Variants in AUH observed in about 807,000 individuals in gnomAD.
AUH encodes the protein AU RNA binding methylglutaconyl-CoA hydratase.
In AUH, 29 loss-of-function variants were observed where a neutral mutation model predicts 42.3. That is an observed-to-expected ratio of 0.69 (90% confidence interval 0.51 to 0.93). AUH has a LOEUF of 0.93. Among genes scored for constraint, AUH ranks in the 40% least tolerant of loss-of-function variants. The probability of loss-of-function intolerance (pLI) is 0.00; values close to 1 mark genes in which losing one functional copy is unlikely to be tolerated. For synonymous variants in AUH, 174 were observed against 166.4 expected (o/e 1.05, Z -0.35); for missense variants, 452 against 438.1 (o/e 1.03, Z -0.28).
At chr9:91,224,479 CTCT>C (rs950087046) in intron 6 of AUH, among the ~76,000 whole-genome samples, 8 of 151,982 alleles carry the variant, frequency 5.3e-5, no homozygotes, top group African/African-American at 1.9e-4. Flanking sequence ...CCTCTTTTTT[CTCT>C]TGTTGCCTGT....
At chr9:91,333,554 T>C (rs1259417267) in intron 3 of AUH, among the ~76,000 whole-genome samples, 1 of 152,232 alleles carries the variant, frequency 6.6e-6, no homozygotes, top group Non-Finnish European at 1.5e-5. Flanking sequence ...ATGAGATAGA[T>C]GGGACTACCT....
chr9:91,230,529 C>T (rs987860072), intron 6 of AUH, among the ~76,000 whole-genome samples: 46 of 152,280 alleles, frequency 3.0e-4, no homozygotes, highest in African/African-American at 1.1e-3. Context: ...GTAATCTGAT[C>T]GTCTGAAGCC....
rs190077953 is a variant in AUH, at chr9:91,253,896, C to T, written c.656-32904G>A. 2.5e-4 allele frequency among the ~76,000 whole-genome samples: 38 copies of T among 152,250 alleles called. No homozygotes were observed. In the East Asian group the frequency reaches 6.7e-3, roughly 27 times the overall value. On this transcript the variant is annotated intron_variant, in intron 6 of 9. Transcript: ENST00000375731. ...TATTTTAATGGTATGAAATAAAGCACAATTTAAGGAGACAAGCTATAAATA... is the reference window on the plus strand; with the variant it reads ...TATTTTAATGGTATGAAATAAAGCATAATTTAAGGAGACAAGCTATAAATA...
chr9:91,217,260 A>G lies in AUH; in HGVS notation c.894+17T>C. Reference sequence around the variant, plus strand: ...ACTCTCCATTCCCAAAACAAACTCAAGCATTAAGGAACCTACCTCCATCCC... The same window carrying G: ...ACTCTCCATTCCCAAAACAAACTCAGGCATTAAGGAACCTACCTCCATCCC... On this transcript the variant is annotated intron_variant, in intron 8 of 9. Coordinates refer to ENST00000375731, the MANE Select transcript of AUH (RefSeq NM_001698.3). 2 of 1,611,214 alleles carry G rather than the reference A, an allele frequency of 1.2e-6. No homozygotes were observed. The highest frequency in any genetic ancestry group is 1.7e-6 in the Non-Finnish European group (2 of 1,177,488).
intron 3 of AUH, among the ~76,000 whole-genome samples, chr9:91,326,148 C>T (rs999230378): frequency 1.3e-5 from 2 of 152,052 alleles, no homozygotes; most frequent in African/African-American, 2.4e-5. Context: ...AACAAACAGA[C>T]GAACAACAAA....
At chr9:91,354,213 G>A (rs1832234064) in intron 3 of AUH, among the ~76,000 whole-genome samples, 1 of 151,590 alleles carries the variant, frequency 6.6e-6, no homozygotes, top group African/African-American at 2.4e-5. Flanking sequence ...AAATCTGAAA[G>A]AACAGTTCCA....
At chr9:91,276,172 TA>T (rs1175630397) in intron 6 of AUH, among the ~76,000 whole-genome samples, 2 of 152,124 alleles carry the variant, frequency 1.3e-5, no homozygotes, top group Admixed American at 1.3e-4. Flanking sequence ...CTCATGCCTA[TA>T]ATCTCAGCAT....
intron 4 of AUH, among the ~76,000 whole-genome samples, chr9:91,300,774 A>G (rs552305798): frequency 6.6e-6 from 1 of 152,306 alleles, no homozygotes; most frequent in South Asian, 2.1e-4. Context: ...AAACTACTTA[A>G]AACAGCTCCA....
intron 6 of AUH, among the ~76,000 whole-genome samples, chr9:91,255,302 C>G (rs1217604869): frequency 1.3e-5 from 2 of 152,180 alleles, no homozygotes; most frequent in Non-Finnish European, 1.5e-5. Flanking sequence ...CATACACTGA[C>G]TGTATCTTTT....
intron 4 of AUH, among the ~76,000 whole-genome samples, chr9:91,302,222 C>T (rs1243115013): frequency 6.6e-6 from 1 of 151,784 alleles, no homozygotes; most frequent in African/African-American, 2.4e-5. Context: ...AATCCCAGCA[C>T]TTTGGGAGTC....
intron 3 of AUH, among the ~76,000 whole-genome samples, chr9:91,329,219 T>C (rs1301321736): frequency 2.0e-5 from 3 of 152,080 alleles, no homozygotes; most frequent in Non-Finnish European, 4.4e-5. Flanking sequence ...AAGTTTTTGG[T>C]GGACAAATGT....
intron 6 of AUH, among the ~76,000 whole-genome samples, chr9:91,236,483 G>A (rs1184185089): frequency 6.6e-6 from 1 of 152,190 alleles, no homozygotes; most frequent in Non-Finnish European, 1.5e-5. Context: ...TTATCACAAA[G>A]AACCATGAAA....
At chr9:91,310,395 A>G (rs1485754401) in intron 4 of AUH, among the ~76,000 whole-genome samples, 1 of 152,202 alleles carries the variant, frequency 6.6e-6, no homozygotes, top group African/African-American at 2.4e-5. Flanking sequence ...CACCAATAAG[A>G]TATAAGCCAA....
chr9:91,254,328 G>C (rs1829296106), intron 6 of AUH, among the ~76,000 whole-genome samples: 2 of 152,308 alleles, frequency 1.3e-5, no homozygotes, highest in Non-Finnish European at 2.9e-5. Context: ...GGAACAAGAA[G>C]GCCTCTCCCA....
At chr9:91,261,189 T>G (rs117300170) in intron 6 of AUH, among the ~76,000 whole-genome samples, 1 of 152,150 alleles carries the variant, frequency 6.6e-6, no homozygotes, top group African/African-American at 2.4e-5. Flanking sequence ...CTAGATATTA[T>G]GTAATTTTGT....
intron 3 of AUH, among the ~76,000 whole-genome samples, chr9:91,355,282 C>T (rs1587929083): frequency 6.6e-6 from 1 of 152,326 alleles, no homozygotes; most frequent in South Asian, 2.1e-4. Flanking sequence ...AGGGGCCAGG[C>T]ACAGTGGCTC....
chr9:91,250,593 A>G (rs535483339), intron 6 of AUH, among the ~76,000 whole-genome samples: 1 of 152,328 alleles, frequency 6.6e-6, no homozygotes, highest in African/African-American at 2.4e-5. Context: ...CCACTGCTAC[A>G]TATTTGCAGC....
At chr9:91,221,777 A>G (rs73650969) in intron 6 of AUH, among the ~76,000 whole-genome samples, 1 of 152,360 alleles carries the variant, frequency 6.6e-6, no homozygotes, top group African/African-American at 2.4e-5. Context: ...ATAGTTCTAC[A>G]GCAAAAGATG....
chr9:91,330,026 T>C (rs571005424), intron 3 of AUH, among the ~76,000 whole-genome samples: 1 of 152,162 alleles, frequency 6.6e-6, no homozygotes, highest in African/African-American at 2.4e-5. Context: ...CTTACAAGGA[T>C]TGAAAGGTAT....
Sources: gnomAD v4.1 joint callset for allele counts (sites outside exome capture counted in the v4.1 genomes callset) on GRCh38, gnomAD v4.1.1 for gene constraint, MANE v1.5 for transcripts, NCBI Gene and HGNC (gene_info 2026-07-23, HGNC 2026-07-21) for gene names.